The following RARB variants were observed in gnomAD, a reference collection of about 807,000 sequenced individuals.
RARB encodes the protein HBV-activated protein.
A neutral mutation model predicts 51.9 loss-of-function variants in RARB; 17 were observed. The observed-to-expected ratio is 0.33, with a 90% CI of 0.22 to 0.49. RARB has a LOEUF of 0.49. Among genes scored for constraint, RARB ranks in the 20% least tolerant of loss-of-function variants. The pLI is 0.99. For synonymous variants in RARB, 215 were observed against 195.4 expected, an observed-to-expected ratio of 1.10 and a Z score of -0.84; for missense variants, 369 against 550.8, an observed-to-expected ratio of 0.67 and a Z score of 3.30.
At chr3:25,506,159 A>G (rs967815173) in intron 3 of RARB, among the ~76,000 whole-genome samples, 1 of 149,418 alleles carries the variant, frequency 6.7e-6, no homozygotes, top group Non-Finnish European at 1.5e-5. Context: ...AGGCCAAGGC[A>G]GGAGAATCGC....
intron 3 of RARB, among the ~76,000 whole-genome samples, chr3:25,542,177 G>A (rs1699411095): frequency 6.6e-6 from 1 of 152,224 alleles, no homozygotes; most frequent in South Asian, 2.1e-4. Flanking sequence ...GGCTATATTT[G>A]TGACAAGAGC....
intron 1 of RARB, among the ~76,000 whole-genome samples, chr3:24,843,097 C>G (rs1158627994): frequency 2.6e-5 from 4 of 152,184 alleles, no homozygotes; most frequent in Admixed American, 2.6e-4. Context: ...CCAGTGAATA[C>G]AGTATTTTTT....
rs140907598 is a variant in RARB, at chr3:24,912,023, A to G, written c.-380+53271A>G. Among the ~76,000 whole-genome samples, 177 of 152,356 alleles carry G rather than the reference A, an allele frequency of 1.2e-3. 2 individuals are homozygous for G. The East Asian group carries it at 0.016, about 13-fold the overall frequency. ...CGTGCAATGATAAAAAAACATGAGC[A>G]TGGGACCTCAGAACCATTTTTAGCG... is the stretch of plus-strand genomic sequence containing the variant. On this transcript the variant is annotated intron_variant, in intron 2 of 11. Transcript: ENST00000383772.
At chr3:25,324,963 T>A (rs1219880050) in intron 5 of RARB, among the ~76,000 whole-genome samples, 2 of 152,168 alleles carry the variant, frequency 1.3e-5, no homozygotes, top group African/African-American at 4.8e-5. Flanking sequence ...AGAAAGAATT[T>A]AGGGCAAGTC....
chr3:24,920,703 C>A (rs1426730656), intron 2 of RARB, among the ~76,000 whole-genome samples: 1 of 152,124 alleles, frequency 6.6e-6, no homozygotes, highest in African/African-American at 2.4e-5. Context: ...TCTGGTTATG[C>A]CACGATGGCT....
chr3:25,480,327 T>C (rs1244428640), intron 2 of RARB, among the ~76,000 whole-genome samples: 2 of 152,252 alleles, frequency 1.3e-5, no homozygotes, highest in Non-Finnish European at 2.9e-5. Flanking sequence ...TTTTAACTCA[T>C]TTAATCCTCA....
chr3:25,121,690 C>G (rs1699784785), intron 3 of RARB, among the ~76,000 whole-genome samples: 1 of 152,102 alleles, frequency 6.6e-6, no homozygotes, highest in Non-Finnish European at 1.5e-5. Flanking sequence ...TATCCAGTAA[C>G]TTGTACATAG....
intron 2 of RARB, among the ~76,000 whole-genome samples, chr3:24,884,448 T>C (rs1703232600): frequency 6.6e-6 from 1 of 152,216 alleles, no homozygotes; most frequent in South Asian, 2.1e-4. Flanking sequence ...GGGCACAGTT[T>C]TCCAGAGAAC....
At chr3:25,303,305 C>T (rs570696885) in intron 5 of RARB, among the ~76,000 whole-genome samples, 9 of 152,158 alleles carry the variant, frequency 5.9e-5, no homozygotes, top group Non-Finnish European at 1.0e-4. Flanking sequence ...TTGCCAAGCC[C>T]CTTTAATCTG....
intron 3 of RARB, among the ~76,000 whole-genome samples, chr3:25,520,751 A>G (rs1698366094): frequency 6.6e-6 from 1 of 152,214 alleles, no homozygotes; most frequent in African/African-American, 2.4e-5. Flanking sequence ...ATTTATAGCC[A>G]CACATGATAT....
intron 2 of RARB, among the ~76,000 whole-genome samples, chr3:25,500,809 A>C (rs1360280520): frequency 6.6e-6 from 1 of 151,856 alleles, no homozygotes; most frequent in Non-Finnish European, 1.5e-5. Flanking sequence ...AAAAATCCTC[A>C]TATATTGGTT....
intron 2 of RARB, among the ~76,000 whole-genome samples, chr3:25,050,038 TTAATC>T (rs1329494871): frequency 6.6e-6 from 1 of 152,150 alleles, no homozygotes; most frequent in Non-Finnish European, 1.5e-5. Flanking sequence ...GAAAGGGTAT[TTAATC>T]CGGATTTTAA....
chr3:25,373,751 C>T (rs976579286), intron 5 of RARB, among the ~76,000 whole-genome samples: 2 of 152,168 alleles, frequency 1.3e-5, no homozygotes, highest in African/African-American at 4.8e-5. Flanking sequence ...CTCACACTCC[C>T]TTCTAACTTT....
chr3:24,959,952 G>A (rs1297466105), intron 2 of RARB, among the ~76,000 whole-genome samples: 2 of 152,202 alleles, frequency 1.3e-5, no homozygotes, highest in African/African-American at 2.4e-5. Context: ...AGATCTCTCA[G>A]TTAATCATTG....
At chr3:24,853,694 T>G (rs148499980) in intron 1 of RARB, among the ~76,000 whole-genome samples, 47 of 152,340 alleles carry the variant, frequency 3.1e-4, no homozygotes, top group African/African-American at 1.0e-3. Context: ...AACTTCTCAT[T>G]CACCCGTTCT....
At chr3:25,334,083 C>G (rs1465881506) in intron 5 of RARB, among the ~76,000 whole-genome samples, 1 of 152,138 alleles carries the variant, frequency 6.6e-6, no homozygotes, top group African/African-American at 2.4e-5. Flanking sequence ...GTTGGTGGGA[C>G]TGTAAACTAG....
chr3:24,830,619 G>C (rs1037476520), intron 1 of RARB, among the ~76,000 whole-genome samples: 14 of 149,348 alleles, frequency 9.4e-5, no homozygotes, highest in Non-Finnish European at 1.8e-4. Context: ...CAGACAAAAG[G>C]GTGCATTTGG....
intron 3 of RARB, among the ~76,000 whole-genome samples, chr3:25,083,585 T>C (rs1358606634): frequency 6.6e-6 from 1 of 152,220 alleles, no homozygotes; most frequent in Non-Finnish European, 1.5e-5. Context: ...TTACAATAAC[T>C]TTTGAAATCA....
chr3:24,886,869 T>G (rs570230644), intron 2 of RARB, among the ~76,000 whole-genome samples: 2 of 152,324 alleles, frequency 1.3e-5, no homozygotes, highest in South Asian at 4.1e-4. Context: ...ATATTAAGCT[T>G]TTAGGGTCCA....
Sources: allele counts gnomAD v4.1 joint callset (sites outside exome capture counted in the v4.1 genomes callset), GRCh38; gene constraint gnomAD v4.1.1; transcripts MANE v1.5; gene names NCBI Gene and HGNC (gene_info 2026-07-23, HGNC 2026-07-21).